GEMIN4: variants seen among roughly 807,000 people sequenced by gnomAD.
The protein encoded by GEMIN4 is gem-associated protein 4.
Under a neutral mutation model 76.8 loss-of-function variants are expected in GEMIN4, and 59 were observed. The ratio of observed to expected loss-of-function variants is 0.77; its 90% confidence interval spans 0.62 to 0.95. The LOEUF (loss-of-function observed/expected upper bound fraction) is 0.95. GEMIN4 is among the 40% of genes least tolerant of loss of function. The pLI is 0.00. For missense variants in GEMIN4, 1,311 were observed against 1,318.9 expected, an observed-to-expected ratio of 0.99 and a Z score of 0.09; for synonymous variants, 562 against 559.7, an observed-to-expected ratio of 1.00 and a Z score of -0.06.
chr17:752,681 CT>C, upstream of GEMIN4: 2 of 988,430 alleles, frequency 2.0e-6, no homozygotes, highest in Non-Finnish European at 2.4e-6. Context: ...ATCCTAGACG[CT>C]TTTTGACGGC....
intron 1 of GEMIN4, chr17:748,695 G>C (rs1039379795): frequency 1.0e-4 from 24 of 238,852 alleles, no homozygotes; most frequent in African/African-American, 5.4e-4. Flanking sequence ...CAGGGTAACA[G>C]GCACAGCAGC....
At chr17:749,381 G>A (rs4968106) in intron 1 of GEMIN4, 19,185 of 116,754 alleles carry the variant, frequency 0.16, 1,946 homozygotes, top group Non-Finnish European at 0.21. Context: ...GCAATCACAC[G>A]GCCACAGGAT....
At position 747,179 on chromosome 17, in the gene GEMIN4, C is replaced by T. The variant is rs375010755; in HGVS notation, c.864G>A (p.Ala288=). The T allele has an allele frequency of 5.1e-5, 83 of 1,613,714 alleles. 1 individual carries two copies. In the African/African-American group the frequency reaches 6.7e-4, roughly 13 times the overall value. Residue 288 remains alanine (A), a synonymous_variant, in exon 2 of 2, where the codon GCG becomes GCA. Transcript: ENST00000319004. The stretch of plus-strand genomic sequence containing the variant: ...CTGCCTCCTTCACCTTCTCTGCCAG[C>T]GCCTGCTGGTGGTAGGGATTCTGGG... The part of the protein sequence containing the change: ...SDTQNPYHQQ[A]LAEKVKEAER...
chr17:745,811 A>G lies in GEMIN4; in HGVS notation c.2232T>C (p.Ala744=). The change falls in exon 2 of 2, where the codon GCT becomes GCC. Residue 744 remains alanine (A), a synonymous_variant. Coordinates refer to ENST00000319004, the MANE Select transcript of GEMIN4 (RefSeq NM_015721.3). This position sits in a 1 kb window ranked among gnomAD's most constrained non-coding sequence, Gnocchi z 4.6. ...TCCAGACATCCGGGGAGAAGGTCTC[A>G]GCATTGGCTGATACAATCTCACACA... The part of the protein sequence containing the change: ...ELLCEIVSAN[A]ETFSPDVWIK... 1 of 1,613,098 alleles carries G rather than the reference A, an allele frequency of 6.2e-7. No individual in the cohort carries two copies. Among genetic ancestry groups the G allele is most frequent in the African/African-American group, 1.3e-5 (1 of 75,040 alleles).
Position 746,122 on chromosome 17 carries a change from G to A in GEMIN4, c.1921C>T (p.Pro641Ser). The A allele has an allele frequency of 6.2e-7, 1 of 1,613,956 alleles. No individual in the cohort carries two copies. Among genetic ancestry groups the A allele is most frequent in the Non-Finnish European group, 8.5e-7 (1 of 1,179,888 alleles). ...TCTGGCTCAAGAAGAGCAGCCACTGGAATCCCTTGGGGTTTCACGGGACTC... is the reference window on the plus strand; with the variant it reads ...TCTGGCTCAAGAAGAGCAGCCACTGAAATCCCTTGGGGTTTCACGGGACTC... ...LMSPVKPQGI[P>S]VAALLEPDEV... Residue 641 changes from proline to serine, a missense_variant, in exon 2 of 2, where the codon CCA becomes TCA. Physicochemically the swap from Pro to Ser is moderately conservative, Grantham distance 74. This residue lies in a region of GEMIN4 where 1,208 missense variants were observed against 1,166.9 expected (regional missense o/e 1.04). Coordinates refer to ENST00000319004, the MANE Select transcript of GEMIN4 (RefSeq NM_015721.3). The surrounding 1 kb of genome is among the most constrained non-coding windows in gnomAD (Gnocchi z 4.3).
At position 747,151 on chromosome 17, in the gene GEMIN4, G is replaced by A. The variant is rs201812530; in HGVS notation, c.892C>T (p.Arg298Trp). ...GCCAGCGAGGTCAGGCTGACATCCC[G>A]TTCTGCCTCCTTCACCTTCTCTGCC... ...ALAEKVKEAERDVSLTSLAKL... is the reference protein window; with the variant it reads ...ALAEKVKEAEWDVSLTSLAKL... The change falls in exon 2 of 2, where the codon CGG (arginine) becomes TGG (tryptophan). Residue 298 changes from arginine to tryptophan, a missense_variant. This residue lies in a region of GEMIN4 where 1,208 missense variants were observed against 1,166.9 expected (regional missense o/e 1.04). Coordinates refer to ENST00000319004, the MANE Select transcript of GEMIN4 (RefSeq NM_015721.3). 8.7e-5 allele frequency: 140 copies of A among 1,613,704 alleles called. 1 individual carries two copies. The highest frequency in any genetic ancestry group is 1.8e-4 in the South Asian group (16 of 91,084).
intron 1 of GEMIN4, chr17:749,497 G>A: frequency 5.1e-6 from 1 of 195,174 alleles, no homozygotes; most frequent in Non-Finnish European, 1.1e-5. Context: ...CAGGATAATG[G>A]GCACAGAGCA....
chr17:748,244 A>C (rs964857216), intron 1 of GEMIN4: 12 of 553,072 alleles, frequency 2.2e-5, no homozygotes, highest in Non-Finnish European at 3.5e-5. Context: ...CAGCCTGGGA[A>C]CTGGGAGGCC....
intron 1 of GEMIN4, 180 bp downstream of exon 1, chr17:751,953 C>G: frequency 2.5e-6 from 1 of 398,908 alleles, no homozygotes; most frequent in Non-Finnish European, 4.3e-6. Context: ...CAACGCGCGG[C>G]GGGACCCGGA....
In GEMIN4 at chr17:746,832, G is replaced by C. The variant is rs1567778068; in HGVS notation, c.1211C>G (p.Ala404Gly). The stretch of plus-strand genomic sequence containing the variant: ...CTGGATGACGGCCATGGCAATGGAA[G>C]CTGTGATATCCTCCAAGGCCCTGTT... Reference protein sequence around the residue: ...LKNRALEDITASIAMAVIQQK... With the variant: ...LKNRALEDITGSIAMAVIQQK... The change falls in exon 2 of 2, where the codon GCT becomes GGT. Residue 404 changes from alanine (A) to glycine (G), a missense_variant. This residue lies in a region of GEMIN4 where 1,208 missense variants were observed against 1,166.9 expected (regional missense o/e 1.04). Transcript: ENST00000319004. This position sits in a 1 kb window ranked among gnomAD's most constrained non-coding sequence, Gnocchi z 4.3. 6.2e-7 allele frequency: 1 copy of C among 1,613,802 alleles called. No individual in the cohort carries two copies. Among genetic ancestry groups the C allele is most frequent in the Non-Finnish European group, 8.5e-7 (1 of 1,179,760 alleles).
At position 752,121 on chromosome 17, in the gene GEMIN4, C is replaced by G; in HGVS notation, c.10+12G>C. 8.1e-7 allele frequency: 1 copy of G among 1,237,598 alleles called. No homozygotes were observed. The highest frequency in any genetic ancestry group is 1.0e-6 in the Non-Finnish European group (1 of 990,250). 76.7% of individuals were successfully genotyped at this position (1,237,598 alleles called of 1,614,324 possible). A position where few individuals can be genotyped will look rare whatever the true frequency, so the allele number is the denominator to read the frequency against. ...TGGACGCAGCCCGGGGCCGGGGAGC[C>G]GCGGCACCCACCTAGGTCCATGGCG... On this transcript the variant is annotated intron_variant, in intron 1 of 1. Coordinates refer to ENST00000319004, the MANE Select transcript of GEMIN4 (RefSeq NM_015721.3).
At position 746,503 on chromosome 17, in the gene GEMIN4, T is replaced by C; in HGVS notation, c.1540A>G (p.Lys514Glu). The C allele has an allele frequency of 6.2e-7, 1 of 1,613,958 alleles. No homozygotes were observed. Among genetic ancestry groups the C allele is most frequent in the Non-Finnish European group, 8.5e-7 (1 of 1,179,884 alleles). ...RSWGRKGLSEKLLAYVEGFQE... is the reference protein window; with the variant it reads ...RSWGRKGLSEELLAYVEGFQE... ...AAACCCTCCACATAAGCCAGCAACT[T>C]TTCAGAGAGGCCCTTTCGCCCCCAG... Residue 514 changes from lysine to glutamate, a missense_variant, in exon 2 of 2, where the codon AAG becomes GAG. Physicochemically the swap from Lys to Glu is moderately conservative, Grantham distance 56. Coordinates refer to ENST00000319004, the MANE Select transcript of GEMIN4 (RefSeq NM_015721.3). The surrounding 1 kb of genome is among the most constrained non-coding windows in gnomAD (Gnocchi z 4.3).
In GEMIN4 at chr17:746,874, G is replaced by A. The variant is rs140155001; in HGVS notation, c.1169C>T (p.Thr390Met). ...GGCCCTGTTCTTCAGCACCGTGCTC[G>A]TTTTCCTCAGGAAGTCCCTGACACA... ...AECVRDFLRKTSTVLKNRALE... is the reference protein window; with the variant it reads ...AECVRDFLRKMSTVLKNRALE... The change falls in exon 2 of 2, where the codon ACG becomes ATG. Residue 390 changes from threonine to methionine, a missense_variant. Physicochemically the swap from Thr to Met is moderately conservative, Grantham distance 81 (BLOSUM62 -1). Transcript: ENST00000319004. This position sits in a 1 kb window ranked among gnomAD's most constrained non-coding sequence, Gnocchi z 4.3. 1.4e-3 allele frequency: 2,283 copies of A among 1,613,602 alleles called. 9 individuals are homozygous for A. Among genetic ancestry groups the A allele is most frequent in the East Asian group, 8.5e-3 (380 of 44,876 alleles).
chr17:744,890 C>G lies in GEMIN4; in HGVS notation c.3153G>C (p.Leu1051=). 1 of 1,611,744 alleles carries G rather than the reference C, an allele frequency of 6.2e-7. No homozygotes were observed. The highest frequency in any genetic ancestry group is 8.5e-7 in the Non-Finnish European group (1 of 1,178,916). The stretch of plus-strand genomic sequence containing the variant: ...GTCAGAAGCTGCTCATCTTCTGCAA[C>G]AGGGTTTGGCGCCGTTCTTCAGGGC... ...GIGPEERRQT[L]LQKMSSF is the part of the protein sequence containing the mutation. Residue 1051 remains leucine (L), a synonymous_variant, in exon 2 of 2, where the codon CTG becomes CTC. Transcript: ENST00000319004.
Position 752,197 on chromosome 17 carries a change from G to C in GEMIN4, c.-55C>G. The C allele has an allele frequency of 8.1e-7, 1 of 1,231,618 alleles. No homozygotes were observed. The highest frequency in any genetic ancestry group is 1.0e-6 in the Non-Finnish European group (1 of 987,128). The allele number at this position is 1,231,618 out of a possible 1,614,324, so 76.3% of individuals were successfully genotyped here. On this transcript the variant is annotated 5_prime_UTR_variant, in exon 1 of 2. Coordinates refer to ENST00000319004, the MANE Select transcript of GEMIN4 (RefSeq NM_015721.3). ...AACGCCCCCTCCCCTCCGAGAACTC[G>C]AACGCGGCGCGGGACGCACGGCACG...
At chr17:751,646 T>G (rs1310764793) in intron 1 of GEMIN4, 1 of 154,708 alleles carries the variant, frequency 6.5e-6, no homozygotes, top group African/African-American at 2.4e-5. Flanking sequence ...CAAGGGACAC[T>G]GTACCTCGGC....
Position 744,756 on chromosome 17 carries a change from A to C in GEMIN4, c.*110T>G, listed in dbSNP as rs1597549609. 3 of 1,177,994 alleles carry C rather than the reference A, an allele frequency of 2.5e-6. No homozygotes were observed. The highest frequency in any genetic ancestry group is 3.5e-6 in the Non-Finnish European group (3 of 860,502). 73.0% of individuals were successfully genotyped at this position (1,177,994 alleles called of 1,614,324 possible). On this transcript the variant is annotated 3_prime_UTR_variant, in exon 2 of 2. Coordinates refer to ENST00000319004, the MANE Select transcript of GEMIN4 (RefSeq NM_015721.3). ...GTAAAGTCCAGGCTGCTCGGGTCTG[A>C]CCCCTACAGACCTGCCATGTTGAAG...
chr17:748,314 A>C (rs1203975678), intron 1 of GEMIN4: 1 of 415,088 alleles, frequency 2.4e-6, no homozygotes, highest in Non-Finnish European at 4.3e-6. Context: ...AGGAAAGATG[A>C]GTTCAGCTTT....
At position 745,589 on chromosome 17, in the gene GEMIN4, C is replaced by G. The variant is rs747323335; in HGVS notation, c.2454G>C (p.Trp818Cys). 56 of 1,611,208 alleles carry G rather than the reference C, an allele frequency of 3.5e-5. No individual in the cohort carries two copies. Among genetic ancestry groups the G allele is most frequent in the Non-Finnish European group, 4.5e-5 (53 of 1,179,220 alleles). The change falls in exon 2 of 2, where the codon TGG becomes TGC. Residue 818 changes from tryptophan (W) to cysteine (C), a missense_variant. Around this residue, in one of 2 missense-constraint regions of GEMIN4, gnomAD observed 1,208 missense variants for 1,166.9 expected, o/e 1.04. Coordinates refer to ENST00000319004, the MANE Select transcript of GEMIN4 (RefSeq NM_015721.3). This position sits in a 1 kb window ranked among gnomAD's most constrained non-coding sequence, Gnocchi z 4.6. ...CGCTGGAGACGCAGCAGCACTCCATCCAGGCCAGGAGCCCCGTGCCAGCCC... is the reference window on the plus strand; with the variant it reads ...CGCTGGAGACGCAGCAGCACTCCATGCAGGCCAGGAGCCCCGTGCCAGCCC... The part of the protein sequence containing the change: ...GYGAGTGLLA[W>C]MECCCVSSGI...
Sources: gnomAD v4.1 joint callset for allele counts on GRCh38, gnomAD v4.1.1 for gene constraint, gnomAD v4.1.1 regional missense constraint, Gnocchi (gnomAD v3.1) non-coding constraint, MANE v1.5 for transcripts, NCBI Gene and HGNC (gene_info 2026-07-23, HGNC 2026-07-21) for gene names.